ATAD1: variants seen among roughly 807,000 people sequenced by gnomAD.
ATAD1 encodes the protein ATPase family AAA domain containing 1.
In ATAD1, 18 loss-of-function variants were observed where a neutral mutation model predicts 42.7. The ratio of observed to expected loss-of-function variants is 0.42; its 90% CI spans 0.29 to 0.63. The LOEUF (loss-of-function observed/expected upper bound fraction) is 0.63, where lower values mean the gene tolerates loss of function less well. Among genes scored for constraint, ATAD1 ranks in the 20% least tolerant of loss-of-function variants. ATAD1 has a pLI of 0.19. For missense variants in ATAD1, 294 were observed against 440.4 expected (o/e 0.67, Z 2.98); for synonymous variants, 132 against 143.1 (o/e 0.92, Z 0.55).
intron 5 of ATAD1, among the ~76,000 whole-genome samples, chr10:87,779,573 C>T (rs1274693244): frequency 6.6e-6 from 1 of 152,042 alleles, no homozygotes. Context: ...GCATAGGTGC[C>T]TCATACATAT....
At chr10:87,775,832 A>G (rs2131839282) in intron 6 of ATAD1, among the ~76,000 whole-genome samples, 1 of 152,338 alleles carries the variant, frequency 6.6e-6, no homozygotes, top group Admixed American at 6.5e-5. Context: ...AAAGATAGGC[A>G]TAGGTGACAG....
chr10:87,759,670 G>A (rs1854391482), intron 8 of ATAD1: 2 of 410,318 alleles, frequency 4.9e-6, no homozygotes, highest in Non-Finnish European at 9.7e-6. Flanking sequence ...CAGTCACTGG[G>A]GGAGCAAGAT....
rs1175891351 is a variant in ATAD1 at position 87,776,350 on chromosome 10, C to G, written c.661G>C (p.Asp221His). Reference sequence around the variant, plus strand: ...CAGCTGTGATCAGTATCCAATCCATCCCAGAGACTCATAAACTGAGCTTTC... The same window carrying G: ...CAGCTGTGATCAGTATCCAATCCATGCCAGAGACTCATAAACTGAGCTTTC... ...MMKAQFMSLW[D>H]GLDTDHSCQV... Residue 221 changes from aspartate to histidine, a missense_variant, in exon 6 of 10, where the codon GAT becomes CAT. Around this residue, in one of 3 missense-constraint regions of ATAD1, gnomAD observed 142 missense variants for 174.6 expected, o/e 0.81. Transcript: ENST00000680024. The G allele has an allele frequency of 1.2e-6, 2 of 1,613,804 alleles. No individual in the cohort carries two copies. The highest frequency in any genetic ancestry group is 8.5e-7 in the Non-Finnish European group (1 of 1,179,794).
At chr10:87,791,572 C>G (rs987676038) in intron 3 of ATAD1, among the ~76,000 whole-genome samples, 11 of 152,042 alleles carry the variant, frequency 7.2e-5, no homozygotes, top group Non-Finnish European at 1.6e-4. Flanking sequence ...ATCTATAAAC[C>G]AAATTCAAAT....
intron 2 of ATAD1, among the ~76,000 whole-genome samples, chr10:87,794,549 T>A (rs1856289152): frequency 6.6e-6 from 1 of 152,194 alleles, no homozygotes; most frequent in African/African-American, 2.4e-5. Context: ...TACTTCTGGT[T>A]GTCACACTTG....
chr10:87,760,972 C>T (rs1420839429), intron 8 of ATAD1, among the ~76,000 whole-genome samples: 1 of 151,818 alleles, frequency 6.6e-6, no homozygotes, highest in Non-Finnish European at 1.5e-5. Context: ...GAATACCTAT[C>T]AATAAAATAA....
At chr10:87,824,970 G>C (rs1414637591) in intron 1 of ATAD1, among the ~76,000 whole-genome samples, 1 of 152,142 alleles carries the variant, frequency 6.6e-6, no homozygotes, top group Non-Finnish European at 1.5e-5. Flanking sequence ...GAAAATTATG[G>C]ATATTTCTCA....
chr10:87,758,076 A>G (rs11202541), intron 8 of ATAD1, among the ~76,000 whole-genome samples: 3,129 of 152,320 alleles, frequency 0.021, 101 homozygotes, highest in African/African-American at 0.069. Flanking sequence ...AATAGTAGTA[A>G]TAATAGTTAT....
intron 7 of ATAD1, among the ~76,000 whole-genome samples, chr10:87,768,747 T>C (rs1378232358): frequency 1.3e-5 from 2 of 152,204 alleles, no homozygotes; most frequent in Non-Finnish European, 2.9e-5. Flanking sequence ...TTGTGGCTAC[T>C]TTCCATGCTA....
intron 5 of ATAD1, among the ~76,000 whole-genome samples, chr10:87,783,905 T>C (rs377619867): frequency 2.0e-5 from 3 of 151,094 alleles, no homozygotes; most frequent in East Asian, 3.9e-4. Context: ...ATACTGACTA[T>C]AGCCAAATAA....
In ATAD1 at chr10:87,784,501, T is replaced by C; in HGVS notation, c.552A>G (p.Leu184=). The C allele has an allele frequency of 6.2e-7, 1 of 1,613,664 alleles. No individual in the cohort carries two copies. The highest frequency in any genetic ancestry group is 8.5e-7 in the Non-Finnish European group (1 of 1,179,732). The change falls in exon 5 of 10, where the codon CTA becomes CTG. Residue 184 remains leucine (L), a synonymous_variant. Coordinates refer to ENST00000680024, the MANE Select transcript of ATAD1 (RefSeq NM_001321967.2). ...AAAVFSLAIK[L]QPSIIFIDEI... ...CATCTATAAAGATGATGGATGGTTG[T>C]AGCTTTATGGCAAGGGAGAAGACAG...
rs569371222 is a variant in ATAD1, at chr10:87,777,597, TAA to T, written c.584-1172_584-1171del. ...TGAAAGGTGCTACATCCTAATAATT[TAA>T]AAAAAAAAACAGTAAAAATAAATCT... On this transcript the variant is annotated intron_variant, in intron 5 of 9. Coordinates refer to ENST00000680024, the MANE Select transcript of ATAD1 (RefSeq NM_001321967.2). 1.9e-4 allele frequency among the ~76,000 whole-genome samples: 28 copies of T among 146,386 alleles called. No homozygotes were observed. The East Asian group carries it at 5.1e-3, about 27-fold the overall frequency.
chr10:87,792,552 T>C lies in ATAD1; in HGVS notation c.261+105A>G, dbSNP rs1856175498. ...ATATGCCGAGTCTTATGATTCAGCC[T>C]AGAGAATCAAAGAACCCGGCCGTGA... On this transcript the variant is annotated intron_variant, in intron 3 of 9. Coordinates refer to ENST00000680024, the MANE Select transcript of ATAD1 (RefSeq NM_001321967.2). 6.5e-6 allele frequency: 5 copies of C among 765,332 alleles called. No individual in the cohort carries two copies. In the African/African-American group the frequency reaches 7.1e-5, roughly 11 times the overall value. 47.4% of individuals were successfully genotyped at this position (765,332 alleles called of 1,614,324 possible).
At chr10:87,787,676 T>C (rs1855903388) in intron 4 of ATAD1, among the ~76,000 whole-genome samples, 1 of 152,226 alleles carries the variant, frequency 6.6e-6, no homozygotes, top group Non-Finnish European at 1.5e-5. Context: ...TCCTCATTTG[T>C]GACAAATATT....
intron 2 of ATAD1, among the ~76,000 whole-genome samples, chr10:87,809,510 C>T (rs1378112516): frequency 6.7e-6 from 1 of 148,768 alleles, no homozygotes; most frequent in Admixed American, 6.7e-5. Flanking sequence ...GAGAGACGGG[C>T]ACACTCAATT....
chr10:87,811,811 C>G (rs976625266), intron 2 of ATAD1, among the ~76,000 whole-genome samples: 1 of 152,154 alleles, frequency 6.6e-6, no homozygotes, highest in African/African-American at 2.4e-5. Context: ...CCTGCAACTT[C>G]AATTGCTATA....
intron 2 of ATAD1, among the ~76,000 whole-genome samples, chr10:87,794,574 C>T (rs574338652): frequency 6.6e-6 from 1 of 152,158 alleles, no homozygotes; most frequent in Non-Finnish European, 1.5e-5. Flanking sequence ...TAGGGTGATA[C>T]CAGCATCTAG....
At chr10:87,811,788 T>G (rs1031474955) in intron 2 of ATAD1, among the ~76,000 whole-genome samples, 1 of 152,198 alleles carries the variant, frequency 6.6e-6, no homozygotes, top group African/African-American at 2.4e-5. Flanking sequence ...TGACCTTTTT[T>G]CTGAGATTCA....
intron 1 of ATAD1, among the ~76,000 whole-genome samples, chr10:87,837,023 C>G (rs1857943071): frequency 6.6e-6 from 1 of 152,048 alleles, no homozygotes; most frequent in East Asian, 1.9e-4. Flanking sequence ...ATTTCAATTT[C>G]ATTTTTTTAT....
Sources: allele counts gnomAD v4.1 joint callset (sites outside exome capture counted in the v4.1 genomes callset), GRCh38; gene constraint gnomAD v4.1.1; regional missense constraint gnomAD v4.1.1; transcripts MANE v1.5; gene names NCBI Gene and HGNC (gene_info 2026-07-23, HGNC 2026-07-21).